The following TOGARAM2 variants were observed in gnomAD, a reference collection of about 807,000 sequenced individuals.
TOGARAM2 encodes TOG array regulator of axonemal microtubules 2, also known as TOG array regulator of axonemal microtubules protein 2.
A neutral mutation model predicts 93.3 loss-of-function variants in TOGARAM2; 85 were observed. The observed-to-expected ratio is 0.91, with a 90% CI of 0.76 to 1.09. The LOEUF is 1.09. TOGARAM2 is among the 50% of genes least tolerant of loss of function. The pLI, the probability that TOGARAM2 is intolerant of heterozygous loss-of-function variation, is 0.00. For missense variants in TOGARAM2, 1,277 were observed against 1,334.5 expected (o/e 0.96, Z 0.67); for synonymous variants, 593 against 552.8 (o/e 1.07, Z -1.02).
intron 19 of TOGARAM2, chr2:29,047,188 G>C (rs1310302707): frequency 6.5e-6 from 1 of 152,714 alleles, no homozygotes; most frequent in Non-Finnish European, 1.5e-5. Flanking sequence ...AGGCAGGTGC[G>C]AGTGAGGCAG....
intron 1 of TOGARAM2, among the ~76,000 whole-genome samples, chr2:28,975,082 T>C (rs1312489821): frequency 6.6e-6 from 1 of 152,184 alleles, no homozygotes; most frequent in African/African-American, 2.4e-5. Context: ...AATTTTTTTT[T>C]TCCCTTTACT....
intron 7 of TOGARAM2, 148 bp downstream of exon 7, chr2:29,011,649 A>T (rs1664254422): frequency 2.5e-6 from 2 of 805,750 alleles, no homozygotes; most frequent in Non-Finnish European, 1.8e-6. Context: ...AAGTCACCGG[A>T]GGTCTAACCG....
At position 29,024,231 on chromosome 2, in the gene TOGARAM2, C is replaced by T. The variant is rs749730473; in HGVS notation, c.1710C>T (p.Ala570=). The change falls in exon 13 of 20, where the codon GCC becomes GCT. Residue 570 remains alanine, a synonymous_variant. Transcript: ENST00000379558. ...QALKKNMDQE[A]EEIARCLLQK... is the part of the protein sequence containing the mutation. ...TGAAGAAGAATATGGACCAGGAGGC[C>T]GAGGAGATCGCCCGCTGCTTGCTGC... The T allele has an allele frequency of 3.0e-5, 48 of 1,609,688 alleles. No individual in the cohort carries two copies. In the Admixed American group the frequency reaches 5.2e-4, roughly 17 times the overall value.
At chr2:29,002,851 C>T (rs1673389637) in intron 5 of TOGARAM2, 104 bp downstream of exon 5, 2 of 1,124,206 alleles carry the variant, frequency 1.8e-6, no homozygotes, top group Admixed American at 2.1e-5. Context: ...ATGCCCTGAG[C>T]ATCCCTGGAG....
intron 6 of TOGARAM2, among the ~76,000 whole-genome samples, chr2:29,008,817 A>G (rs1291217539): frequency 6.6e-6 from 1 of 152,216 alleles, no homozygotes; most frequent in Non-Finnish European, 1.5e-5. Flanking sequence ...GGCAGGGGCC[A>G]TATGTCAAAA....
intron 1 of TOGARAM2, among the ~76,000 whole-genome samples, chr2:28,960,486 C>G (rs1284936770): frequency 6.6e-6 from 1 of 152,154 alleles, no homozygotes; most frequent in African/African-American, 2.4e-5. Context: ...ATCCAATCCA[C>G]ACTCACTCAC....
chr2:29,002,701 C>T lies in TOGARAM2; in HGVS notation c.593C>T (p.Pro198Leu), dbSNP rs376377047. 1.6e-5 allele frequency: 26 copies of T among 1,613,848 alleles called. No individual in the cohort carries two copies. The highest frequency in any genetic ancestry group is 3.3e-5 in the South Asian group (3 of 91,062). Reference protein sequence around the residue: ...SGVKEKGLDLPGSIPGPHELR... With the variant: ...SGVKEKGLDLLGSIPGPHELR... ...GTCAAAGAGAAGGGCCTGGACCTAC[C>T]GGGGAGCATTCCGGGTCCTCACGAG... The change falls in exon 5 of 20, where the codon CCG becomes CTG. Residue 198 changes from proline to leucine, a missense_variant. Coordinates refer to ENST00000379558, the MANE Select transcript of TOGARAM2 (RefSeq NM_199280.4).
intron 1 of TOGARAM2, among the ~76,000 whole-genome samples, chr2:28,972,205 C>A (rs1202657218): frequency 6.6e-6 from 1 of 152,338 alleles, no homozygotes; most frequent in East Asian, 1.9e-4. Flanking sequence ...TCTCCTGCCT[C>A]AGCCTCCTGA....
At chr2:29,014,640 T>C (rs760271037) in intron 8 of TOGARAM2, 79 bp downstream of exon 8, 5 of 1,494,844 alleles carry the variant, frequency 3.3e-6, no homozygotes, top group East Asian at 2.5e-5. Flanking sequence ...GTGTCTGAAG[T>C]ATTCAAGAGT....
intron 1 of TOGARAM2, among the ~76,000 whole-genome samples, chr2:28,991,312 G>A (rs1428138036): frequency 6.6e-6 from 1 of 152,120 alleles, no homozygotes; most frequent in Admixed American, 6.5e-5. Flanking sequence ...GACACTGGGT[G>A]CATACTGGCT....
At chr2:28,964,554 C>T (rs1034759810) in intron 1 of TOGARAM2, among the ~76,000 whole-genome samples, 6 of 151,504 alleles carry the variant, frequency 4.0e-5, no homozygotes, top group African/African-American at 7.3e-5. Flanking sequence ...ACGTGTGCCA[C>T]GGTGGTTTGC....
At chr2:28,959,379 A>G (rs1452748587) in intron 1 of TOGARAM2, among the ~76,000 whole-genome samples, 1 of 152,214 alleles carries the variant, frequency 6.6e-6, no homozygotes, top group Non-Finnish European at 1.5e-5. Context: ...TATGTCAATG[A>G]TAGTGGGGAA....
chr2:29,013,202 C>T (rs530177062), intron 7 of TOGARAM2, among the ~76,000 whole-genome samples: 3 of 152,300 alleles, frequency 2.0e-5, no homozygotes, highest in Admixed American at 6.5e-5. Flanking sequence ...CTTTAAAATC[C>T]GCTGATGGGG....
At chr2:28,985,871 A>G (rs1435306069) in intron 1 of TOGARAM2, among the ~76,000 whole-genome samples, 2 of 152,162 alleles carry the variant, frequency 1.3e-5, no homozygotes, top group African/African-American at 4.8e-5. Flanking sequence ...TGGGAGGCTG[A>G]GGTGGGTGGA....
chr2:28,988,767 C>T (rs185783181), intron 1 of TOGARAM2, among the ~76,000 whole-genome samples: 4 of 152,202 alleles, frequency 2.6e-5, no homozygotes, highest in African/African-American at 7.2e-5. Flanking sequence ...CTTCCACTCA[C>T]GCCTCAGACC....
intron 1 of TOGARAM2, among the ~76,000 whole-genome samples, chr2:28,991,493 C>G (rs1471381522): frequency 6.6e-6 from 1 of 152,236 alleles, no homozygotes; most frequent in Non-Finnish European, 1.5e-5. Flanking sequence ...GTGGGCTCTA[C>G]TGTTCCCACC....
In TOGARAM2 at chr2:29,026,980, A is replaced by G; in HGVS notation, c.1981A>G (p.Arg661Gly). Residue 661 changes from arginine (R) to glycine (G), a missense_variant, in exon 14 of 20, where the codon AGG becomes GGG. Transcript: ENST00000379558. The part of the protein sequence containing the change: ...STDMLVHNLV[R>G]LAQDSNQDTR... ...AGACATGTTGGTGCACAACCTGGTG[A>G]GGCTGGCACAGGACTCCAACCAGGA... is the stretch of plus-strand genomic sequence containing the variant. 6.4e-7 allele frequency: 1 copy of G among 1,564,346 alleles called. No homozygotes were observed. The highest frequency in any genetic ancestry group is 1.2e-5 in the South Asian group (1 of 84,458).
At chr2:29,028,998 C>T (rs1485207086) in intron 14 of TOGARAM2, among the ~76,000 whole-genome samples, 1 of 152,160 alleles carries the variant, frequency 6.6e-6, no homozygotes, top group Non-Finnish European at 1.5e-5. Flanking sequence ...AACACTTCTA[C>T]ACTGCTGGTG....
At chr2:29,009,064 G>T (rs865823309) in intron 6 of TOGARAM2, among the ~76,000 whole-genome samples, 19 of 152,322 alleles carry the variant, frequency 1.2e-4, no homozygotes, top group African/African-American at 4.3e-4. Flanking sequence ...GTCACAATCT[G>T]TGTGCTCCAG....
Sources: allele counts gnomAD v4.1 joint callset (sites outside exome capture counted in the v4.1 genomes callset), GRCh38; gene constraint gnomAD v4.1.1; transcripts MANE v1.5; gene names NCBI Gene and HGNC (gene_info 2026-07-23, HGNC 2026-07-21).